The following SRPK2 variants were observed in gnomAD, a reference collection of about 807,000 sequenced individuals.
SRPK2 encodes SFRS protein kinase 2.
SRPK2 carries 21 observed loss-of-function variants against 90.8 expected under a neutral mutation model. That is an observed-to-expected ratio of 0.23 (90% CI 0.16 to 0.33). The LOEUF (loss-of-function observed/expected upper bound fraction) is 0.33, where lower values mean the gene tolerates loss of function less well. Ranked by LOEUF, SRPK2 falls within the 10% of genes least tolerant of loss-of-function variation. The pLI is 1.00. For missense variants in SRPK2, 620 were observed against 869.0 expected (o/e 0.71, Z 3.60); for synonymous variants, 288 against 311.1 (o/e 0.93, Z 0.78).
At chr7:105,253,585 C>T (rs1029786312) in intron 2 of SRPK2, among the ~76,000 whole-genome samples, 1 of 152,160 alleles carries the variant, frequency 6.6e-6, no homozygotes, top group Non-Finnish European at 1.5e-5. Flanking sequence ...TGTTTCATTT[C>T]ACCCTGATTT....
chr7:105,313,533 T>C (rs1585664288), intron 2 of SRPK2, among the ~76,000 whole-genome samples: 1 of 151,804 alleles, frequency 6.6e-6, no homozygotes, highest in Middle Eastern at 3.5e-3. Context: ...GTGGAATGCC[T>C]GAGCTCAGGA....
At chr7:105,350,385 T>C (rs973269906) in intron 2 of SRPK2, among the ~76,000 whole-genome samples, 2 of 151,554 alleles carry the variant, frequency 1.3e-5, no homozygotes, top group African/African-American at 4.9e-5. Context: ...CACCTTGGCC[T>C]CCCAAAGCGC....
chr7:105,376,276 C>A (rs563957385), intron 2 of SRPK2, among the ~76,000 whole-genome samples: 19 of 151,872 alleles, frequency 1.3e-4, no homozygotes, highest in African/African-American at 3.9e-4. Context: ...GGATTACAGG[C>A]ACAAATCACC....
chr7:105,143,569 G>A (rs1463416298), intron 9 of SRPK2: 3 of 527,938 alleles, frequency 5.7e-6, no homozygotes, highest in Non-Finnish European at 1.0e-5. Flanking sequence ...GAGGGATATA[G>A]CTTAAATCCA....
intron 2 of SRPK2, among the ~76,000 whole-genome samples, chr7:105,382,083 G>A (rs985184835): frequency 6.6e-6 from 1 of 151,936 alleles, no homozygotes; most frequent in Non-Finnish European, 1.5e-5. Flanking sequence ...CAGGAGAATC[G>A]CTTGAACCTG....
intron 2 of SRPK2, among the ~76,000 whole-genome samples, chr7:105,242,802 A>T (rs1800992843): frequency 6.6e-6 from 1 of 152,232 alleles, no homozygotes; most frequent in Non-Finnish European, 1.5e-5. Context: ...TTGAGTCTCG[A>T]GGCAAGCCGG....
intron 2 of SRPK2, among the ~76,000 whole-genome samples, chr7:105,348,341 G>C (rs548670466): frequency 1.5e-4 from 22 of 151,600 alleles, no homozygotes; most frequent in Non-Finnish European, 2.1e-4. Context: ...AAAGTGCTGG[G>C]ATTACAGGTG....
rs142102776 is a variant in SRPK2 at position 105,193,748 on chromosome 7, A to T, written c.229+9880T>A. Among the ~76,000 whole-genome samples the T allele has an allele frequency of 1.7e-3, 255 of 152,312 alleles. 1 individual carries two copies. The highest frequency in any genetic ancestry group is 5.6e-3 in the African/African-American group (231 of 41,560). On this transcript the variant is annotated intron_variant, in intron 3 of 15. Coordinates refer to ENST00000393651, the MANE Select transcript of SRPK2 (RefSeq NM_182692.3). ...ACATATTCTTCTGTATTTACAAAGA[A>T]ATATATGCTCAATGCAGAAAACAAA...
intron 3 of SRPK2, among the ~76,000 whole-genome samples, chr7:105,175,827 T>C (rs1326604055): frequency 6.6e-6 from 1 of 152,012 alleles, no homozygotes; most frequent in East Asian, 1.9e-4. Flanking sequence ...AAAAAAAATC[T>C]GAAAAACCAT....
intron 2 of SRPK2, among the ~76,000 whole-genome samples, chr7:105,303,110 T>C (rs529856137): frequency 1.3e-5 from 2 of 151,882 alleles, no homozygotes; most frequent in African/African-American, 2.4e-5. Context: ...GTGGCACATA[T>C]ACACCATGGA....
chr7:105,329,466 G>A (rs758632577), intron 2 of SRPK2, among the ~76,000 whole-genome samples: 9 of 151,940 alleles, frequency 5.9e-5, no homozygotes, highest in Non-Finnish European at 1.2e-4. Context: ...GGTGGTGAAC[G>A]CATGGAATCT....
chr7:105,384,911 C>T (rs568569741), intron 2 of SRPK2, among the ~76,000 whole-genome samples: 102 of 151,334 alleles, frequency 6.7e-4, no homozygotes, highest in Non-Finnish European at 1.2e-3. Context: ...GAGTCTGGCT[C>T]TGTCGCCCAG....
At chr7:105,227,206 A>C (rs1485875133) in intron 2 of SRPK2, among the ~76,000 whole-genome samples, 1 of 152,138 alleles carries the variant, frequency 6.6e-6, no homozygotes, top group East Asian at 1.9e-4. Flanking sequence ...TTTTTCCATA[A>C]GTTATTGGGG....
intron 2 of SRPK2, among the ~76,000 whole-genome samples, chr7:105,306,794 A>G (rs1379732045): frequency 2.0e-5 from 3 of 152,352 alleles, no homozygotes; most frequent in Non-Finnish European, 2.9e-5. Context: ...AAAGTAAAAC[A>G]CTATTACAAG....
At chr7:105,326,927 G>A (rs911521013) in intron 2 of SRPK2, among the ~76,000 whole-genome samples, 1 of 152,080 alleles carries the variant, frequency 6.6e-6, no homozygotes, top group Non-Finnish European at 1.5e-5. Context: ...CCCAGGAGTG[G>A]TGGTGGGAGC....
At chr7:105,231,330 A>G (rs1379800745) in intron 2 of SRPK2, among the ~76,000 whole-genome samples, 1 of 152,092 alleles carries the variant, frequency 6.6e-6, no homozygotes, top group African/African-American at 2.4e-5. Flanking sequence ...CGGCATTTAC[A>G]TTGATTCCAT....
chr7:105,301,542 G>C, intron 2 of SRPK2: 1 of 1,549,046 alleles, frequency 6.5e-7, no homozygotes, highest in Non-Finnish European at 8.9e-7. Flanking sequence ...AGGACCAGGA[G>C]ATGGAACTAG....
At chr7:105,372,328 G>A (rs890642669) in intron 2 of SRPK2, among the ~76,000 whole-genome samples, 2 of 151,992 alleles carry the variant, frequency 1.3e-5, no homozygotes, top group African/African-American at 4.8e-5. Flanking sequence ...AAAAATATTT[G>A]TAACTAACTT....
At chr7:105,178,806 C>T (rs1299741432) in intron 3 of SRPK2, among the ~76,000 whole-genome samples, 1 of 151,816 alleles carries the variant, frequency 6.6e-6, no homozygotes, top group Non-Finnish European at 1.5e-5. Context: ...AAGGCCCTCT[C>T]TCAAAACAAA....
Sources: allele counts gnomAD v4.1 joint callset (sites outside exome capture counted in the v4.1 genomes callset), GRCh38; gene constraint gnomAD v4.1.1; transcripts MANE v1.5; gene names NCBI Gene and HGNC (gene_info 2026-07-23, HGNC 2026-07-21).